The following QTGAL variants were observed in gnomAD, a reference collection of about 807,000 sequenced individuals.
QTGAL encodes queuosine-tRNA galactosyltransferase, also known as BGnT-like protein 1.
At chr17:83,010,221 C>G in the QTGAL span, among the ~76,000 whole-genome samples, 1 of 152,106 alleles carries the variant, frequency 6.6e-6, no homozygotes, top group African/African-American at 2.4e-5. Context: ...TGAGCCACGC[C>G]CCAGGGTCCA....
At chr17:83,015,326 G>A in the QTGAL span, among the ~76,000 whole-genome samples, 3 of 152,258 alleles carry the variant, frequency 2.0e-5, no homozygotes, top group Admixed American at 6.5e-5. The surrounding 1 kb of genome is among the most constrained non-coding windows in gnomAD (Gnocchi z 4.4). Context: ...AGACCCTGAC[G>A]TCTGACTACT....
At chr17:82,955,801 T>C in the QTGAL span, among the ~76,000 whole-genome samples, 2 of 152,112 alleles carry the variant, frequency 1.3e-5, no homozygotes, top group Non-Finnish European at 2.9e-5. Flanking sequence ...ATATAGCCCA[T>C]GGAATACTAC....
the QTGAL span, among the ~76,000 whole-genome samples, chr17:83,049,537 C>A: frequency 3.3e-5 from 5 of 151,468 alleles, no homozygotes; most frequent in East Asian, 9.8e-4. Flanking sequence ...CTCAGCCTCC[C>A]GAGTAGCTGG....
the QTGAL span, chr17:83,007,096 C>T: frequency 9.2e-5 from 56 of 611,806 alleles, no homozygotes; most frequent in Non-Finnish European, 1.1e-4. Context: ...TCTGTACACC[C>T]TCCTTAGTGA....
At chr17:82,996,738 TC>T in the QTGAL span, among the ~76,000 whole-genome samples, 1 of 151,976 alleles carries the variant, frequency 6.6e-6, no homozygotes, top group Non-Finnish European at 1.5e-5. Context: ...CATAGATAAA[TC>T]AATATATCTA....
chr17:82,988,751 A>T, the QTGAL span, among the ~76,000 whole-genome samples: 1 of 152,158 alleles, frequency 6.6e-6, no homozygotes, highest in African/African-American at 2.4e-5. Context: ...ATATGATAAA[A>T]AGCTCAACAT....
chr17:82,966,069 CT>C, the QTGAL span, among the ~76,000 whole-genome samples: 1 of 148,880 alleles, frequency 6.7e-6, no homozygotes, highest in Non-Finnish European at 1.5e-5. Flanking sequence ...GCCACCACAC[CT>C]GGCTGATTTT....
the QTGAL span, among the ~76,000 whole-genome samples, chr17:82,964,024 A>G: frequency 2.3e-4 from 27 of 118,466 alleles, no homozygotes; most frequent in Admixed American, 4.9e-4. Context: ...TGGAAGGCTG[A>G]GGTCGGGGGG....
chr17:83,044,434 C>T, the QTGAL span, among the ~76,000 whole-genome samples: 1 of 152,208 alleles, frequency 6.6e-6, no homozygotes, highest in African/African-American at 2.4e-5. Flanking sequence ...CAAAATCCGG[C>T]ACCCTTTCAT....
At chr17:83,024,269 C>T in the QTGAL span, among the ~76,000 whole-genome samples, 1 of 145,730 alleles carries the variant, frequency 6.9e-6, no homozygotes, top group South Asian at 2.1e-4. Context: ...AGCTCAGCGG[C>T]AGCCTCCGCC....
the QTGAL span, among the ~76,000 whole-genome samples, chr17:83,026,160 T>A: frequency 6.6e-5 from 10 of 152,236 alleles, no homozygotes; most frequent in East Asian, 1.9e-3. Context: ...CCCCCTTTGC[T>A]CCTGCTCAGC....
the QTGAL span, among the ~76,000 whole-genome samples, chr17:82,970,892 G>A: frequency 6.6e-6 from 1 of 152,218 alleles, no homozygotes; most frequent in Admixed American, 6.5e-5. Flanking sequence ...CCTTTGCGGG[G>A]GGCCTCAGGC....
the QTGAL span, among the ~76,000 whole-genome samples, chr17:82,953,769 A>G: frequency 1.3e-5 from 2 of 152,260 alleles, no homozygotes; most frequent in African/African-American, 4.8e-5. Context: ...TGGCAAACTG[A>G]ATCCAGCAGC....
chr17:82,944,703 G>A, the QTGAL span: 2 of 152,174 alleles, frequency 1.3e-5, no homozygotes, highest in Non-Finnish European at 2.9e-5. Flanking sequence ...TGGGATTTGT[G>A]TACCCACAAA....
At chr17:83,002,248 A>G in the QTGAL span, among the ~76,000 whole-genome samples, 1 of 152,162 alleles carries the variant, frequency 6.6e-6, no homozygotes, top group Non-Finnish European at 1.5e-5. Flanking sequence ...GGGGCAGCTC[A>G]GCCATGGCCT....
chr17:83,019,010 C>T, the QTGAL span, among the ~76,000 whole-genome samples: 2 of 152,208 alleles, frequency 1.3e-5, no homozygotes, highest in African/African-American at 4.8e-5. Flanking sequence ...ACGTTGTGGT[C>T]TACAGGCCGA....
chr17:82,964,775 G>A, the QTGAL span, among the ~76,000 whole-genome samples: 2 of 97,736 alleles, frequency 2.0e-5, no homozygotes, highest in Non-Finnish European at 2.0e-5. Context: ...GGACACGGAC[G>A]CCTGCAGGTG....
At chr17:83,035,347 T>G in the QTGAL span, among the ~76,000 whole-genome samples, 2 of 152,076 alleles carry the variant, frequency 1.3e-5, no homozygotes, top group South Asian at 4.1e-4. Flanking sequence ...GCCTGGCGAA[T>G]TTTGTATTTG....
the QTGAL span, chr17:83,014,347 C>T: frequency 1.6e-6 from 2 of 1,238,904 alleles, no homozygotes; most frequent in Non-Finnish European, 2.3e-6. Flanking sequence ...ACTTGACAGT[C>T]TCACCATAGC....
Sources: allele counts gnomAD v4.1 joint callset (sites outside exome capture counted in the v4.1 genomes callset), GRCh38; gene constraint gnomAD v4.1.1; non-coding constraint Gnocchi (gnomAD v3.1); transcripts MANE v1.5; gene names NCBI Gene and HGNC (gene_info 2026-07-23, HGNC 2026-07-21).